Variants in NPAS2 observed in about 807,000 individuals in gnomAD.
NPAS2 encodes neuronal PAS domain protein 2, also known as neuronal PAS domain-containing protein 2.
In NPAS2, 23 loss-of-function variants were observed where a neutral mutation model predicts 107.5. The ratio of observed to expected loss-of-function variants is 0.21; its 90% confidence interval spans 0.15 to 0.30. The LOEUF (loss-of-function observed/expected upper bound fraction) is 0.30. NPAS2 is among the 10% of genes least tolerant of loss of function. The pLI, the probability that NPAS2 is intolerant of heterozygous loss-of-function variation, is 1.00. For missense variants in NPAS2, 756 were observed against 1,043.3 expected (o/e 0.72, Z 3.79); for synonymous variants, 403 against 417.5 (o/e 0.97, Z 0.42).
chr2:100,923,824 C>T (rs1011099970), intron 2 of NPAS2, among the ~76,000 whole-genome samples: 2 of 152,178 alleles, frequency 1.3e-5, no homozygotes, highest in African/African-American at 2.4e-5. Flanking sequence ...GGGCCTGTGG[C>T]GTGTCATTGA....
At chr2:100,920,226 T>A (rs534464758) in intron 2 of NPAS2, among the ~76,000 whole-genome samples, 17 of 152,134 alleles carry the variant, frequency 1.1e-4, no homozygotes, top group Non-Finnish European at 7.3e-5. Flanking sequence ...TTTTGAGATC[T>A]ATCACACAGC....
At chr2:100,954,959 C>T (rs1270480794) in intron 7 of NPAS2, among the ~76,000 whole-genome samples, 1 of 151,584 alleles carries the variant, frequency 6.6e-6, no homozygotes, top group Non-Finnish European at 1.5e-5. Flanking sequence ...CTCACTGGAA[C>T]CTCTGCCTCC....
chr2:100,895,119 C>T lies in NPAS2; in HGVS notation c.-22-9614C>T, dbSNP rs1681322154. On this transcript the variant is annotated intron_variant, in intron 1 of 20. Coordinates refer to ENST00000335681, the MANE Select transcript of NPAS2 (RefSeq NM_002518.4). The stretch of plus-strand genomic sequence containing the variant: ...TGTCCATCATGCGTACACACACACA[C>T]ATACACATTTTCAACACTGGTAGAA... 2.0e-5 allele frequency among the ~76,000 whole-genome samples: 3 copies of T among 149,070 alleles called. No homozygotes were observed. The South Asian group carries it at 6.4e-4, about 32-fold the overall frequency.
intron 1 of NPAS2, among the ~76,000 whole-genome samples, chr2:100,854,055 T>A (rs1368486632): frequency 1.4e-5 from 2 of 142,708 alleles, no homozygotes; most frequent in Admixed American, 7.1e-5. Context: ...GAGGCTGAGG[T>A]TGGGAGATCA....
At chr2:100,850,959 A>T (rs1678136558) in intron 1 of NPAS2, among the ~76,000 whole-genome samples, 1 of 146,924 alleles carries the variant, frequency 6.8e-6, no homozygotes, top group South Asian at 2.2e-4. Flanking sequence ...GTCTCAAAAA[A>T]AAAAAAAAAA....
At chr2:100,967,353 A>G (rs1277720977) in intron 10 of NPAS2, among the ~76,000 whole-genome samples, 1 of 136,306 alleles carries the variant, frequency 7.3e-6, no homozygotes, top group African/African-American at 2.9e-5. Flanking sequence ...CAGCCTCGTG[A>G]GTAGCTGGGA....
At chr2:100,832,359 C>G (rs1041087510) in intron 1 of NPAS2, among the ~76,000 whole-genome samples, 1 of 152,206 alleles carries the variant, frequency 6.6e-6, no homozygotes, top group African/African-American at 2.4e-5. Context: ...GCTCCAAGCG[C>G]TTACCTGACG....
At chr2:100,842,081 G>GCGCGCGCACACACA in intron 1 of NPAS2, among the ~76,000 whole-genome samples, 21 of 148,902 alleles carry the variant, frequency 1.4e-4, no homozygotes, top group African/African-American at 3.7e-4. Flanking sequence ...GCATGTACGC[G>GCGCGCGCACACACA]CACACACACA....
chr2:100,858,624 C>T (rs1476880373), intron 1 of NPAS2, among the ~76,000 whole-genome samples: 1 of 152,070 alleles, frequency 6.6e-6, no homozygotes, highest in African/African-American at 2.4e-5. Context: ...CCCAGGACTG[C>T]ACATAAAAAT....
intron 2 of NPAS2, among the ~76,000 whole-genome samples, chr2:100,921,259 T>C (rs1683208343): frequency 6.6e-6 from 1 of 152,262 alleles, no homozygotes; most frequent in Non-Finnish European, 1.5e-5. Flanking sequence ...AGTGCCTCGC[T>C]CCTTCCCCTT....
intron 8 of NPAS2, 58 bp from the exon 9 acceptor site, chr2:100,964,803 C>A (rs1463973164): frequency 9.4e-7 from 1 of 1,067,160 alleles, no homozygotes; most frequent in South Asian, 1.4e-5. Context: ...CTTGAACAAA[C>A]CTAGGGTGAG....
intron 4 of NPAS2, chr2:100,935,213 C>A (rs191233489): frequency 1.6e-5 from 6 of 381,278 alleles, no homozygotes; most frequent in African/African-American, 8.8e-5. Flanking sequence ...CTGTGGCCTG[C>A]GGAATAGGGA....
chr2:100,916,882 T>C (rs1452599007), intron 2 of NPAS2, among the ~76,000 whole-genome samples: 1 of 152,160 alleles, frequency 6.6e-6, no homozygotes, highest in Non-Finnish European at 1.5e-5. Context: ...GGGAAAAATA[T>C]CTCCACATCT....
chr2:100,818,820 A>T (rs1328537600), upstream of NPAS2, among the ~76,000 whole-genome samples: 2 of 152,162 alleles, frequency 1.3e-5, no homozygotes, highest in Non-Finnish European at 2.9e-5. Context: ...GGGAGCGGAG[A>T]CCTCGTGGGA....
In NPAS2 at chr2:100,993,579, G is replaced by T. The variant is rs543926038; in HGVS notation, c.2292+52G>T. 4 of 1,337,108 alleles carry T rather than the reference G, an allele frequency of 3.0e-6. No individual in the cohort carries two copies. In the African/African-American group the frequency reaches 5.9e-5, roughly 20 times the overall value. The allele number at this position is 1,337,108 out of a possible 1,614,324, so 82.8% of individuals were successfully genotyped here. A position where few individuals can be genotyped will look rare whatever the true frequency, so the allele number is the denominator to read the frequency against. On this transcript the variant is annotated intron_variant, in intron 20 of 20. Transcript: ENST00000335681. Reference sequence around the variant, plus strand: ...CGTGCAGGCCTGGGAGCCGGGCCACGCTCCACACCCGAAGTCTCAGAGATA... The same window carrying T: ...CGTGCAGGCCTGGGAGCCGGGCCACTCTCCACACCCGAAGTCTCAGAGATA...
chr2:100,912,437 G>A (rs1682619734), intron 2 of NPAS2, among the ~76,000 whole-genome samples: 1 of 152,076 alleles, frequency 6.6e-6, no homozygotes, highest in South Asian at 2.1e-4. Context: ...TAACTATTCT[G>A]GGTTTCTGTT....
intron 1 of NPAS2, among the ~76,000 whole-genome samples, chr2:100,870,731 G>C (rs1679531088): frequency 1.3e-5 from 2 of 152,186 alleles, no homozygotes; most frequent in African/African-American, 4.8e-5. Flanking sequence ...GATATAGGCA[G>C]GTCCCTTCTT....
Position 100,946,454 on chromosome 2 carries a change from A to G in NPAS2, c.364-1781A>G, listed in dbSNP as rs562780395. Among the ~76,000 whole-genome samples the G allele has an allele frequency of 5.8e-4, 89 of 152,300 alleles. 1 individual carries two copies. Among genetic ancestry groups the G allele is most frequent in the African/African-American group, 2.0e-3 (85 of 41,556 alleles). The stretch of plus-strand genomic sequence containing the variant: ...GTTAAACACAAGGGGAGGGTGCAGC[A>G]TGTTCCTGCCTGAGGGAACAGCCCA... On this transcript the variant is annotated intron_variant, in intron 5 of 20. Coordinates refer to ENST00000335681, the MANE Select transcript of NPAS2 (RefSeq NM_002518.4).
intron 4 of NPAS2, among the ~76,000 whole-genome samples, chr2:100,936,846 G>C (rs968230916): frequency 2.0e-5 from 3 of 151,986 alleles, no homozygotes; most frequent in African/African-American, 7.2e-5. Flanking sequence ...GCTGGGCCTG[G>C]TGGCATGTGC....
Sources: gnomAD v4.1 joint callset for allele counts (sites outside exome capture counted in the v4.1 genomes callset) on GRCh38, gnomAD v4.1.1 for gene constraint, MANE v1.5 for transcripts, NCBI Gene and HGNC (gene_info 2026-07-23, HGNC 2026-07-21) for gene names.